The following PTPRK variants were observed in gnomAD, a reference collection of about 807,000 sequenced individuals.
The protein encoded by PTPRK is protein tyrosine phosphatase receptor type K.
In PTPRK, 75 loss-of-function variants were observed where a neutral mutation model predicts 178.0. The ratio of observed to expected loss-of-function variants is 0.42; its 90% CI spans 0.35 to 0.51. The LOEUF is 0.51. Among genes scored for constraint, PTPRK ranks in the 20% least tolerant of loss-of-function variants. The pLI is 0.02. For synonymous variants in PTPRK, 637 were observed against 620.6 expected (o/e 1.03, Z -0.39); for missense variants, 1,441 against 1,797.8 (o/e 0.80, Z 3.59).
chr6:128,507,057 A>C (rs898207804), intron 1 of PTPRK, among the ~76,000 whole-genome samples: 4 of 152,220 alleles, frequency 2.6e-5, no homozygotes, highest in Middle Eastern at 3.4e-3. Context: ...ATATGTGGAA[A>C]CTGAAGGAAA....
intron 3 of PTPRK, among the ~76,000 whole-genome samples, chr6:128,243,665 G>T (rs1814925625): frequency 6.6e-6 from 1 of 151,750 alleles, no homozygotes; most frequent in South Asian, 2.1e-4. Context: ...CCGCACTCCA[G>T]CCTGAGCGAC....
At chr6:128,353,039 C>T (rs542830315) in intron 2 of PTPRK, among the ~76,000 whole-genome samples, 1 of 152,210 alleles carries the variant, frequency 6.6e-6, no homozygotes, top group African/African-American at 2.4e-5. Flanking sequence ...AAAGAACACT[C>T]AGCACTTAAA....
At chr6:128,376,453 A>T (rs1165149469) in intron 2 of PTPRK, among the ~76,000 whole-genome samples, 2 of 152,146 alleles carry the variant, frequency 1.3e-5, no homozygotes, top group Admixed American at 1.3e-4. Flanking sequence ...GGCTGCACAG[A>T]GCAGGGAAGC....
At chr6:128,304,596 A>G (rs900259055) in intron 3 of PTPRK, among the ~76,000 whole-genome samples, 1 of 152,212 alleles carries the variant, frequency 6.6e-6, no homozygotes, top group Non-Finnish European at 1.5e-5. Context: ...GTTAGAGAAA[A>G]TAATCATTAA....
intron 7 of PTPRK, among the ~76,000 whole-genome samples, chr6:128,167,161 A>T (rs1349632737): frequency 6.6e-6 from 1 of 151,880 alleles, no homozygotes; most frequent in African/African-American, 2.4e-5. Flanking sequence ...CAGAAAAAAA[A>T]ATATTTTAAC....
At chr6:128,475,695 G>A (rs186828743) in intron 1 of PTPRK, among the ~76,000 whole-genome samples, 22 of 152,114 alleles carry the variant, frequency 1.4e-4, no homozygotes, top group Non-Finnish European at 2.8e-4. Flanking sequence ...AGTATGCTGA[G>A]ATTGAGGTAC....
At chr6:128,423,261 T>A (rs924961634) in intron 1 of PTPRK, among the ~76,000 whole-genome samples, 1 of 152,192 alleles carries the variant, frequency 6.6e-6, no homozygotes, top group African/African-American at 2.4e-5. Flanking sequence ...GAAAATAGGA[T>A]CATTAGTTTA....
chr6:128,219,022 T>G lies in PTPRK; in HGVS notation c.768A>C (p.Arg256Ser). The G allele has an allele frequency of 6.2e-7, 1 of 1,613,962 alleles. No individual in the cohort carries two copies. The highest frequency in any genetic ancestry group is 8.5e-7 in the Non-Finnish European group (1 of 1,179,840). The part of the protein sequence containing the change: ...INHRRFAASF[R>S]LQEVTKTDQD... ...GGTCAGTTTTTGTCACTTCTTGCAATCTGAAGGAAGCGGCAAACCTTCTAT... is the reference window on the plus strand; with the variant it reads ...GGTCAGTTTTTGTCACTTCTTGCAAGCTGAAGGAAGCGGCAAACCTTCTAT... The change falls in exon 6 of 30, where the codon AGA (arginine) becomes AGC (serine). Residue 256 changes from arginine to serine, a missense_variant. Transcript: ENST00000368226.
intron 1 of PTPRK, among the ~76,000 whole-genome samples, chr6:128,414,068 A>T (rs780079291): frequency 1.3e-4 from 20 of 152,216 alleles, no homozygotes; most frequent in Non-Finnish European, 2.8e-4. Context: ...AGGACTGAGT[A>T]GAGCAACAAA....
intron 3 of PTPRK, among the ~76,000 whole-genome samples, chr6:128,287,149 T>C (rs546695978): frequency 9.1e-4 from 139 of 152,232 alleles, no homozygotes; most frequent in Middle Eastern, 6.8e-3. Flanking sequence ...CTGATCTCAG[T>C]CTCCTCCCAT....
intron 1 of PTPRK, among the ~76,000 whole-genome samples, chr6:128,440,405 TGA>T (rs1157632619): frequency 6.6e-6 from 1 of 152,226 alleles, no homozygotes; most frequent in Non-Finnish European, 1.5e-5. Flanking sequence ...CGATTTCAGA[TGA>T]GTGTTAGAAA....
chr6:128,298,040 G>T (rs985189381), intron 3 of PTPRK, among the ~76,000 whole-genome samples: 1 of 151,780 alleles, frequency 6.6e-6, no homozygotes, highest in Non-Finnish European at 1.5e-5. Context: ...ATGATAAAGG[G>T]GATATCACCT....
At chr6:128,516,663 A>G (rs1264904592) in intron 1 of PTPRK, among the ~76,000 whole-genome samples, 1 of 152,164 alleles carries the variant, frequency 6.6e-6, no homozygotes, top group Non-Finnish European at 1.5e-5. Context: ...GTGCACATCA[A>G]CAGGGTGACA....
chr6:128,337,933 C>T (rs1439602589), intron 2 of PTPRK, among the ~76,000 whole-genome samples: 4 of 152,008 alleles, frequency 2.6e-5, no homozygotes, highest in Admixed American at 6.6e-5. Flanking sequence ...GGGCCAAGTA[C>T]AATGAATAAA....
chr6:128,306,211 A>G (rs1826354942), intron 3 of PTPRK, among the ~76,000 whole-genome samples: 1 of 152,214 alleles, frequency 6.6e-6, no homozygotes, highest in African/African-American at 2.4e-5. Flanking sequence ...AGGAAAATAT[A>G]AGAATCTGTA....
At chr6:128,048,879 G>T (rs534146853) in intron 13 of PTPRK, among the ~76,000 whole-genome samples, 1 of 152,030 alleles carries the variant, frequency 6.6e-6, no homozygotes, top group Non-Finnish European at 1.5e-5. Flanking sequence ...TTTGTGTTTG[G>T]TCTATTTCCT....
intron 3 of PTPRK, among the ~76,000 whole-genome samples, chr6:128,243,271 GA>G (rs35362044): frequency 6.0e-5 from 9 of 150,274 alleles, no homozygotes; most frequent in African/African-American, 9.8e-5. Flanking sequence ...AGAATGTTAA[GA>G]AAAAAAAAGT....
rs374812271 is a variant in PTPRK at position 128,163,822 on chromosome 6, A to T, written c.1162+20610T>A. Reference sequence around the variant, plus strand: ...TGAAACATCTGTAATGTGATATAAGAATATCTGCAATGTTTGTTGGAGATG... The same window carrying T: ...TGAAACATCTGTAATGTGATATAAGTATATCTGCAATGTTTGTTGGAGATG... On this transcript the variant is annotated intron_variant, in intron 7 of 29. Transcript: ENST00000368226. Among the ~76,000 whole-genome samples, 4 of 151,660 alleles carry T rather than the reference A, an allele frequency of 2.6e-5. No homozygotes were observed. In the South Asian group the frequency reaches 6.2e-4, roughly 24 times the overall value.
chr6:128,351,600 T>C (rs1833144453), intron 2 of PTPRK, among the ~76,000 whole-genome samples: 1 of 152,198 alleles, frequency 6.6e-6, no homozygotes, highest in Admixed American at 6.5e-5. Flanking sequence ...AAATTCCCCT[T>C]CTTAAAATTA....
Sources: allele counts gnomAD v4.1 joint callset (sites outside exome capture counted in the v4.1 genomes callset), GRCh38; gene constraint gnomAD v4.1.1; transcripts MANE v1.5; gene names NCBI Gene and HGNC (gene_info 2026-07-23, HGNC 2026-07-21).